Variants in LHFPL3 observed in about 807,000 individuals in gnomAD.
LHFPL3 encodes the protein LHFPL tetraspan subfamily member 3 protein.
LHFPL3 carries 5 observed loss-of-function variants against 19.3 expected under a neutral mutation model. The ratio of observed to expected loss-of-function variants is 0.26; its 90% CI spans 0.14 to 0.54. LHFPL3 has a LOEUF of 0.54. LHFPL3 is among the 20% of genes least tolerant of loss of function. The pLI is 0.94. For synonymous variants in LHFPL3, 133 were observed against 126.2 expected, an observed-to-expected ratio of 1.05 and a Z score of -0.36; for missense variants, 249 against 307.4, an observed-to-expected ratio of 0.81 and a Z score of 1.42.
At chr7:104,550,636 T>A (rs1297088483) in intron 1 of LHFPL3, among the ~76,000 whole-genome samples, 1 of 152,116 alleles carries the variant, frequency 6.6e-6, no homozygotes, top group Admixed American at 6.6e-5. Flanking sequence ...CACTGGAGTT[T>A]TCAGCAGCAG....
intron 1 of LHFPL3, among the ~76,000 whole-genome samples, chr7:104,468,244 G>A (rs772910722): frequency 6.6e-5 from 10 of 152,194 alleles, no homozygotes; most frequent in African/African-American, 9.7e-5. Context: ...TCCAATTACT[G>A]AGGTCATAAC....
At position 104,872,045 on chromosome 7, in the gene LHFPL3, C is replaced by T. The variant is rs527708162; in HGVS notation, c.683-34142C>T. On this transcript the variant is annotated intron_variant, in intron 2 of 2. Transcript: ENST00000424859. ...ACTTTTTAAACTTTTTTGTTAAAAA[C>T]TAAGACACACTGTCTGGGCACAGTG... Among the ~76,000 whole-genome samples, 13 of 151,588 alleles carry T rather than the reference C, an allele frequency of 8.6e-5. No individual in the cohort carries two copies. In the East Asian group the frequency reaches 2.5e-3, roughly 29 times the overall value.
At chr7:104,387,259 T>A (rs1449290436) in intron 1 of LHFPL3, among the ~76,000 whole-genome samples, 1 of 152,150 alleles carries the variant, frequency 6.6e-6, no homozygotes, top group Non-Finnish European at 1.5e-5. Context: ...TCCCAGCTAC[T>A]TGGGAGGCTA....
chr7:104,388,148 TG>T (rs1489278288), intron 1 of LHFPL3, among the ~76,000 whole-genome samples: 1 of 152,202 alleles, frequency 6.6e-6, no homozygotes, highest in Non-Finnish European at 1.5e-5. Context: ...TAGTATTCCA[TG>T]GGGTATATGT....
At position 104,691,316 on chromosome 7, in the gene LHFPL3, A is replaced by C. The variant is rs112010811; in HGVS notation, c.446-45359A>C. On this transcript the variant is annotated intron_variant, in intron 1 of 2. Transcript: ENST00000424859. ...TGCCCATTGTCCCTACTTCTGTTAC[A>C]TTGCCTTCTCTCCCCTAGCCTGTGC... Among the ~76,000 whole-genome samples the C allele has an allele frequency of 5.6e-3, 858 of 152,300 alleles. 12 individuals are homozygous for C. The highest frequency in any genetic ancestry group is 0.018 in the African/African-American group (764 of 41,574).
At chr7:104,533,268 C>T (rs1272125970) in intron 1 of LHFPL3, among the ~76,000 whole-genome samples, 1 of 152,198 alleles carries the variant, frequency 6.6e-6, no homozygotes, top group Non-Finnish European at 1.5e-5. Flanking sequence ...AGCACTCTGT[C>T]ATAGTTCTCC....
At chr7:104,817,682 A>G (rs1179169954) in intron 2 of LHFPL3, among the ~76,000 whole-genome samples, 2 of 152,044 alleles carry the variant, frequency 1.3e-5, no homozygotes, top group Non-Finnish European at 2.9e-5. Context: ...ACGATTGACA[A>G]TTCTAGGTAC....
At chr7:104,864,311 G>A (rs550629603) in intron 2 of LHFPL3, among the ~76,000 whole-genome samples, 19 of 152,276 alleles carry the variant, frequency 1.2e-4, no homozygotes, top group Admixed American at 9.1e-4. Flanking sequence ...AAAGCAGGGC[G>A]AGGCATTGCC....
chr7:104,819,098 C>T (rs539864250), intron 2 of LHFPL3, among the ~76,000 whole-genome samples: 1 of 152,170 alleles, frequency 6.6e-6, no homozygotes, highest in South Asian at 2.1e-4. Context: ...TCAGTCTCAG[C>T]TTGATTTAAT....
intron 1 of LHFPL3, among the ~76,000 whole-genome samples, chr7:104,724,559 G>T (rs1793555694): frequency 6.6e-6 from 1 of 152,112 alleles, no homozygotes; most frequent in South Asian, 2.1e-4. Flanking sequence ...TAAATGATGA[G>T]AACACATGGA....
chr7:104,485,367 T>G (rs1401630936), intron 1 of LHFPL3, among the ~76,000 whole-genome samples: 2 of 152,262 alleles, frequency 1.3e-5, no homozygotes, highest in East Asian at 1.9e-4. Context: ...ATTCTAAATA[T>G]TGGACTGTCC....
At chr7:104,532,247 A>T (rs1465447243) in intron 1 of LHFPL3, among the ~76,000 whole-genome samples, 1 of 149,160 alleles carries the variant, frequency 6.7e-6, no homozygotes, top group African/African-American at 2.5e-5. Flanking sequence ...CTCCTGATTA[A>T]CTGGAACTAA....
chr7:104,779,950 C>A (rs1172357666), intron 2 of LHFPL3, among the ~76,000 whole-genome samples: 1 of 152,026 alleles, frequency 6.6e-6, no homozygotes, highest in Non-Finnish European at 1.5e-5. Flanking sequence ...TATGTGATGG[C>A]TTGTAATGTG....
At chr7:104,693,812 T>G (rs1792950401) in intron 1 of LHFPL3, among the ~76,000 whole-genome samples, 1 of 151,668 alleles carries the variant, frequency 6.6e-6, no homozygotes, top group East Asian at 1.9e-4. Context: ...TTTGTATTTT[T>G]AGTAGAGATG....
chr7:104,598,432 C>G (rs568773305), intron 1 of LHFPL3, among the ~76,000 whole-genome samples: 1 of 152,280 alleles, frequency 6.6e-6, no homozygotes, highest in Admixed American at 6.5e-5. Context: ...ACATGGCTTT[C>G]CAGTATGATC....
intron 2 of LHFPL3, among the ~76,000 whole-genome samples, chr7:104,816,048 T>C (rs1790556123): frequency 6.6e-6 from 1 of 152,164 alleles, no homozygotes; most frequent in African/African-American, 2.4e-5. Flanking sequence ...TTGTGTGCTT[T>C]CTGTCACCTA....
At chr7:104,630,488 A>G (rs1355533588) in intron 1 of LHFPL3, among the ~76,000 whole-genome samples, 1 of 152,156 alleles carries the variant, frequency 6.6e-6, no homozygotes, top group Non-Finnish European at 1.5e-5. Context: ...GAAAAGTGGG[A>G]TTTCTGAAAT....
At chr7:104,651,769 G>A (rs985739347) in intron 1 of LHFPL3, among the ~76,000 whole-genome samples, 4 of 152,188 alleles carry the variant, frequency 2.6e-5, no homozygotes, top group South Asian at 2.1e-4. Flanking sequence ...ACATCAGAGC[G>A]TGTGCCCTGG....
intron 1 of LHFPL3, chr7:104,669,627 C>G (rs1253092653): frequency 2.0e-6 from 3 of 1,504,006 alleles, no homozygotes; most frequent in East Asian, 2.3e-5. Context: ...CTGGAACATT[C>G]GAGAGCAAAT....
Sources: gnomAD v4.1 joint callset for allele counts (sites outside exome capture counted in the v4.1 genomes callset) on GRCh38, gnomAD v4.1.1 for gene constraint, MANE v1.5 for transcripts, NCBI Gene and HGNC (gene_info 2026-07-23, HGNC 2026-07-21) for gene names.